Variants in DRC1 observed in about 807,000 individuals in gnomAD.
DRC1 encodes the protein dynein regulatory complex protein 1.
A neutral mutation model predicts 98.7 loss-of-function variants in DRC1; 74 were observed. The observed-to-expected ratio is 0.75, with a 90% confidence interval of 0.62 to 0.91. The LOEUF (loss-of-function observed/expected upper bound fraction) is 0.91. Among genes scored for constraint, DRC1 ranks in the 40% least tolerant of loss-of-function variants. DRC1 has a pLI of 0.00. For missense variants in DRC1, 875 were observed against 886.0 expected, an observed-to-expected ratio of 0.99 and a Z score of 0.16; for synonymous variants, 336 against 334.1, an observed-to-expected ratio of 1.01 and a Z score of -0.06.
At chr2:26,426,097 C>T (rs567521120) in intron 4 of DRC1, among the ~76,000 whole-genome samples, 1 of 152,310 alleles carries the variant, frequency 6.6e-6, no homozygotes, top group African/African-American at 2.4e-5. Context: ...GACCCAACTT[C>T]ATTCTTTTGC....
intron 4 of DRC1, among the ~76,000 whole-genome samples, chr2:26,427,745 G>A (rs1270765573): frequency 2.0e-5 from 3 of 151,784 alleles, no homozygotes; most frequent in Non-Finnish European, 4.4e-5. Context: ...CTCAGTCTCT[G>A]CTAACTATCA....
Position 26,453,558 on chromosome 2 carries a change from C to A in DRC1, c.1919+9C>A, listed in dbSNP as rs771511138. 5 of 1,611,008 alleles carry A rather than the reference C, an allele frequency of 3.1e-6. No individual in the cohort carries two copies. The highest frequency in any genetic ancestry group is 8.5e-7 in the Non-Finnish European group (1 of 1,178,228). On this transcript the variant is annotated intron_variant, in intron 14 of 16. Coordinates refer to ENST00000288710, the MANE Select transcript of DRC1 (RefSeq NM_145038.5). The stretch of plus-strand genomic sequence containing the variant: ...GGTCTGAAGAAGCCTAGGTGGGCTG[C>A]GGGGCTGGAAGGCTTGCCTGAGACC...
At chr2:26,442,100 G>A (rs1314251648) in intron 8 of DRC1, among the ~76,000 whole-genome samples, 2 of 152,228 alleles carry the variant, frequency 1.3e-5, no homozygotes, top group Non-Finnish European at 2.9e-5. Context: ...GAGGGATGCT[G>A]TGTCCTCACA....
intron 8 of DRC1, among the ~76,000 whole-genome samples, chr2:26,443,046 G>C (rs1230136551): frequency 6.6e-6 from 1 of 152,170 alleles, no homozygotes; most frequent in Non-Finnish European, 1.5e-5. Flanking sequence ...TGTAGTTAAG[G>C]AAATGGGTTA....
At chr2:26,407,491 C>T (rs576254995) in intron 1 of DRC1, among the ~76,000 whole-genome samples, 45 of 152,212 alleles carry the variant, frequency 3.0e-4, no homozygotes, top group African/African-American at 8.9e-4. Flanking sequence ...CCTCTGTGGC[C>T]GAGAGACCTC....
intron 13 of DRC1, 87 bp downstream of exon 13, chr2:26,450,768 T>G (rs1159250132): frequency 8.4e-7 from 1 of 1,187,112 alleles, no homozygotes; most frequent in Non-Finnish European, 1.1e-6. Context: ...CTGGGTTACA[T>G]GTGCAGAACA....
At chr2:26,452,992 A>G (rs1409532555) in intron 13 of DRC1, among the ~76,000 whole-genome samples, 1 of 152,218 alleles carries the variant, frequency 6.6e-6, no homozygotes, top group Non-Finnish European at 1.5e-5. Context: ...GACCTTTTAA[A>G]TTTAACAATT....
At chr2:26,417,289 A>T (rs1190329805) in intron 2 of DRC1, among the ~76,000 whole-genome samples, 1 of 150,376 alleles carries the variant, frequency 6.6e-6, no homozygotes, top group Non-Finnish European at 1.5e-5. Context: ...AAGTTCTCTA[A>T]CTGTGTTCTT....
At chr2:26,418,892 T>TTA (rs1678946868) in intron 2 of DRC1, among the ~76,000 whole-genome samples, 1 of 141,438 alleles carries the variant, frequency 7.1e-6, no homozygotes, top group Admixed American at 7.8e-5. Context: ...ATATATTATA[T>TTA]TATATATATA....
chr2:26,450,566 A>G (rs778647236), intron 12 of DRC1, 26 bp from the exon 13 acceptor site: 2 of 1,605,432 alleles, frequency 1.2e-6, no homozygotes, highest in Non-Finnish European at 1.7e-6. Flanking sequence ...GGGGTGTTTG[A>G]GCAACCATCC....
intron 6 of DRC1, 84 bp downstream of exon 6, chr2:26,430,956 AT>A: frequency 1.7e-6 from 1 of 572,478 alleles, no homozygotes; most frequent in Non-Finnish European, 2.5e-6. Flanking sequence ...GCCTTTTTCT[AT>A]CTTTTTTTTT....
intron 7 of DRC1, among the ~76,000 whole-genome samples, chr2:26,435,526 T>C (rs1413268814): frequency 6.6e-6 from 1 of 152,158 alleles, no homozygotes; most frequent in African/African-American, 2.4e-5. Flanking sequence ...ACCCGGGTAA[T>C]AAGCATAGTA....
At chr2:26,445,963 T>C (rs1001316528) in intron 10 of DRC1, among the ~76,000 whole-genome samples, 9 of 152,016 alleles carry the variant, frequency 5.9e-5, no homozygotes, top group South Asian at 2.1e-4. Flanking sequence ...TGGCTAGCCC[T>C]AGTAGTTTTT....
At chr2:26,439,432 G>C (rs1345112549) in intron 7 of DRC1, among the ~76,000 whole-genome samples, 3 of 152,138 alleles carry the variant, frequency 2.0e-5, no homozygotes, top group Non-Finnish European at 4.4e-5. Context: ...TCTCACTAGT[G>C]TTTTCCCAAC....
chr2:26,435,751 C>CTT (rs58013906), intron 7 of DRC1, among the ~76,000 whole-genome samples: 2 of 143,536 alleles, frequency 1.4e-5, no homozygotes, highest in African/African-American at 5.1e-5. Flanking sequence ...TATTCTCATT[C>CTT]TTTTTTTTTT....
chr2:26,415,723 G>C (rs1678777466), intron 2 of DRC1, among the ~76,000 whole-genome samples: 1 of 152,142 alleles, frequency 6.6e-6, no homozygotes, highest in Non-Finnish European at 1.5e-5. Flanking sequence ...CCTGAGGTCA[G>C]GAGTTCAAGA....
In DRC1 at chr2:26,431,907, G is replaced by A; in HGVS notation, c.789G>A (p.Met263Ile). 3 of 1,614,022 alleles carry A rather than the reference G, an allele frequency of 1.9e-6. No homozygotes were observed. Among genetic ancestry groups the A allele is most frequent in the Non-Finnish European group, 1.7e-6 (2 of 1,179,924 alleles). ...AKELEYLNNRMKKVEDYEKQL... is the reference protein window; with the variant it reads ...AKELEYLNNRIKKVEDYEKQL... ...AGCTGGAGTATCTTAACAACCGCAT[G>A]AAGAAAGTAGAGGACTATGAGAAGC... is the stretch of plus-strand genomic sequence containing the variant. The change falls in exon 7 of 17, where the codon ATG (methionine) becomes ATA (isoleucine). Residue 263 changes from methionine to isoleucine, a missense_variant. By Grantham distance (10) the Met-to-Ile change is conservative. Transcript: ENST00000288710.
chr2:26,403,913 G>T (rs569038272), intron 1 of DRC1, among the ~76,000 whole-genome samples: 1 of 151,154 alleles, frequency 6.6e-6, no homozygotes, highest in Non-Finnish European at 1.5e-5. Context: ...CAGCCTGACC[G>T]ACATGGTGAA....
intron 1 of DRC1, among the ~76,000 whole-genome samples, chr2:26,413,466 T>C (rs1447076592): frequency 1.3e-5 from 2 of 152,214 alleles, no homozygotes; most frequent in African/African-American, 4.8e-5. Flanking sequence ...TTCCCACCCA[T>C]GGAATGTGGA....
Sources: allele counts gnomAD v4.1 joint callset (sites outside exome capture counted in the v4.1 genomes callset), GRCh38; gene constraint gnomAD v4.1.1; transcripts MANE v1.5; gene names NCBI Gene and HGNC (gene_info 2026-07-23, HGNC 2026-07-21).